CLMN: variants seen among roughly 807,000 people sequenced by gnomAD.
CLMN encodes the protein calmin.
A neutral mutation model predicts 92.7 loss-of-function variants in CLMN; 57 were observed. The observed-to-expected ratio is 0.61, with a 90% CI of 0.50 to 0.77. The LOEUF (loss-of-function observed/expected upper bound fraction) is 0.77. Among genes scored for constraint, CLMN ranks in the 30% least tolerant of loss-of-function variants. The pLI, the probability that CLMN is intolerant of heterozygous loss-of-function variation, is 0.00. For synonymous variants in CLMN, 466 were observed against 470.6 expected (o/e 0.99, Z 0.13); for missense variants, 1,158 against 1,237.5 (o/e 0.94, Z 0.96).
chr14:95,313,410 T>C (rs1189614412), intron 1 of CLMN, among the ~76,000 whole-genome samples: 1 of 152,234 alleles, frequency 6.6e-6, no homozygotes. Context: ...ATAGGCAATA[T>C]GCAAATAAAT....
At chr14:95,230,518 G>C (rs1410901370) in intron 1 of CLMN, among the ~76,000 whole-genome samples, 1 of 152,244 alleles carries the variant, frequency 6.6e-6, no homozygotes, top group East Asian at 1.9e-4. Context: ...TGAGGAGATG[G>C]GAGAGGGCAG....
chr14:95,317,485 C>G (rs1279494580), intron 1 of CLMN, among the ~76,000 whole-genome samples: 2 of 151,870 alleles, frequency 1.3e-5, no homozygotes, highest in Non-Finnish European at 2.9e-5. Flanking sequence ...GGTCCCTCAA[C>G]AGGTGAATGA....
rs1566854063 is a variant in CLMN, at chr14:95,190,530, TGGGGCTGAGGAAGACTG to T, written c.*1017_*1033del. 1 of 152,554 alleles carries T rather than the reference TGGGGCTGAGGAAGACTG, an allele frequency of 6.6e-6. No homozygotes were observed. Among genetic ancestry groups the T allele is most frequent in the African/African-American group, 2.4e-5 (1 of 41,438 alleles). 9.5% of individuals were successfully genotyped at this position (152,554 alleles called of 1,614,324 possible). A position where few individuals can be genotyped will look rare whatever the true frequency, so the allele number is the denominator to read the frequency against. ...CAGGGAGGAGAGAGCAGAGGGAGCC[TGGGGCTGAGGAAGACTG>T]GGGGCAGGGGTGCTAGAGATGCCTC... On this transcript the variant is annotated 3_prime_UTR_variant, in exon 13 of 13. Coordinates refer to ENST00000298912, the MANE Select transcript of CLMN (RefSeq NM_024734.4).
intron 1 of CLMN, among the ~76,000 whole-genome samples, chr14:95,266,840 A>C (rs954417838): frequency 2.6e-5 from 4 of 152,238 alleles, no homozygotes. Context: ...GCATAAAAAA[A>C]GACACAAAGA....
intron 1 of CLMN, among the ~76,000 whole-genome samples, chr14:95,258,189 T>C (rs1566899221): frequency 6.6e-6 from 1 of 151,820 alleles, no homozygotes; most frequent in Non-Finnish European, 1.5e-5. Flanking sequence ...TGTGTATATG[T>C]ATGCATAGTG....
In CLMN at chr14:95,189,625, C is replaced by G. The variant is rs1287068996; in HGVS notation, c.*1939G>C. On this transcript the variant is annotated 3_prime_UTR_variant, in exon 13 of 13. Coordinates refer to ENST00000298912, the MANE Select transcript of CLMN (RefSeq NM_024734.4). Reference sequence around the variant, plus strand: ...TCTAGACCCATAAAATGAAATGATTCACATTTGGGTTGGCTCTTCCCAGGC... The same window carrying G: ...TCTAGACCCATAAAATGAAATGATTGACATTTGGGTTGGCTCTTCCCAGGC... The G allele has an allele frequency of 6.6e-6, 1 of 152,194 alleles. No homozygotes were observed. The highest frequency in any genetic ancestry group is 2.4e-5 in the African/African-American group (1 of 41,460). The allele number at this position is 152,194 out of a possible 1,614,324, so 9.4% of individuals were successfully genotyped here.
intron 1 of CLMN, among the ~76,000 whole-genome samples, chr14:95,254,597 G>A (rs942770915): frequency 6.6e-6 from 1 of 152,160 alleles, no homozygotes; most frequent in Non-Finnish European, 1.5e-5. Flanking sequence ...ATCCTGTGAC[G>A]TGTTATGGGC....
At chr14:95,314,267 T>C (rs1901665869) in intron 1 of CLMN, among the ~76,000 whole-genome samples, 1 of 152,186 alleles carries the variant, frequency 6.6e-6, no homozygotes, top group Admixed American at 6.5e-5. Context: ...AGAATGTACA[T>C]CATTTACCAC....
intron 1 of CLMN, chr14:95,260,440 T>TA (rs375785616): frequency 0.088 from 12,003 of 136,960 alleles, 626 homozygotes; most frequent in African/African-American, 0.16. Context: ...AGACTCTGTC[T>TA]AAAAAAAAAA....
chr14:95,231,926 T>G (rs2035917367), intron 1 of CLMN, among the ~76,000 whole-genome samples: 1 of 152,278 alleles, frequency 6.6e-6, no homozygotes, highest in Non-Finnish European at 1.5e-5. Flanking sequence ...CCATCCTCTG[T>G]GGCAGGTGCT....
At chr14:95,277,691 G>A (rs533765998) in intron 1 of CLMN, among the ~76,000 whole-genome samples, 18 of 152,226 alleles carry the variant, frequency 1.2e-4, no homozygotes, top group Admixed American at 9.8e-4. Flanking sequence ...GCAGTGGCAC[G>A]ATCTTGGCTC....
chr14:95,245,285 T>TATATATATA (rs1898502163), intron 1 of CLMN, among the ~76,000 whole-genome samples: 2 of 72,994 alleles, frequency 2.7e-5, no homozygotes, highest in African/African-American at 7.4e-5. Context: ...TATATATAGT[T>TATATATATA]TTGTTTTGTT....
At chr14:95,235,939 G>C (rs1440696035) in intron 1 of CLMN, among the ~76,000 whole-genome samples, 2 of 152,202 alleles carry the variant, frequency 1.3e-5, no homozygotes, top group Admixed American at 6.5e-5. Context: ...GTGAGCTGCA[G>C]CACAGCATGG....
In CLMN at chr14:95,185,253, T is replaced by G. The variant is rs1007139337; in HGVS notation, c.*6311A>C. ...TTCCATGAGCTGCTGACTGCTGTTT[T>G]CCAAGGAAATGCCTGATGAGAGCAA... On this transcript the variant is annotated 3_prime_UTR_variant, in exon 13 of 13. Transcript: ENST00000298912. The G allele has an allele frequency of 6.6e-6, 1 of 152,248 alleles. No homozygotes were observed. The highest frequency in any genetic ancestry group is 6.5e-5 in the Admixed American group (1 of 15,288). The allele number at this position is 152,248 out of a possible 1,614,324, so 9.4% of individuals were successfully genotyped here.
At chr14:95,268,023 G>C (rs1197372483) in intron 1 of CLMN, among the ~76,000 whole-genome samples, 1 of 152,108 alleles carries the variant, frequency 6.6e-6, no homozygotes, top group Non-Finnish European at 1.5e-5. Context: ...GAAGGAGAGA[G>C]GGGAGAGGGG....
intron 1 of CLMN, among the ~76,000 whole-genome samples, chr14:95,254,791 A>C (rs1198382799): frequency 6.6e-6 from 1 of 152,126 alleles, no homozygotes; most frequent in Admixed American, 6.5e-5. Flanking sequence ...TCAACTTCCC[A>C]GGGCTTAAGT....
rs1326332053 is a variant in CLMN, at chr14:95,221,788, C to G, written c.241-14G>C. ...GTATTCGTGCAGCTATAAAACAGAA[C>G]AGAACAAAACAAGCACATTAAACCC... is the stretch of plus-strand genomic sequence containing the variant. On this transcript the variant is annotated splice_polypyrimidine_tract_variant and intron_variant, in intron 3 of 12. Coordinates refer to ENST00000298912, the MANE Select transcript of CLMN (RefSeq NM_024734.4). 1 of 1,613,026 alleles carries G rather than the reference C, an allele frequency of 6.2e-7. No individual in the cohort carries two copies. Among genetic ancestry groups the G allele is most frequent in the South Asian group, 1.1e-5 (1 of 90,980 alleles).
chr14:95,191,906 G>A lies in CLMN; in HGVS notation c.2841-174C>T, dbSNP rs867230244. ...TGTGTGTACTGGCCCAAGGCAGTGC[G>A]TCGGGCCATCCAGGCAGCCCCTCGA... On this transcript the variant is annotated intron_variant, in intron 12 of 12. Coordinates refer to ENST00000298912, the MANE Select transcript of CLMN (RefSeq NM_024734.4). The surrounding 1 kb of genome is among the most constrained non-coding windows in gnomAD (Gnocchi z 5.3). 1.1e-5 allele frequency: 6 copies of A among 532,660 alleles called. No homozygotes were observed. The highest frequency in any genetic ancestry group is 3.6e-5 in the Admixed American group (1 of 27,788). The allele number at this position is 532,660 out of a possible 1,614,324, so 33.0% of individuals were successfully genotyped here. A position where few individuals can be genotyped will look rare whatever the true frequency, so the allele number is the denominator to read the frequency against.
rs1867071977 is a variant in CLMN at position 95,194,427 on chromosome 14, T to C, written c.2769+109A>G. ...TCTGCTTGTCTTCTATCCAAAAGTA[T>C]AGCTGTTGCATGCCAGTAATTTCAA... On this transcript the variant is annotated intron_variant, in intron 11 of 12. Transcript: ENST00000298912. The surrounding 1 kb of genome is among the most constrained non-coding windows in gnomAD (Gnocchi z 4.0). 4 of 1,582,876 alleles carry C rather than the reference T, an allele frequency of 2.5e-6. No individual in the cohort carries two copies. Among genetic ancestry groups the C allele is most frequent in the Admixed American group, 1.8e-5 (1 of 56,962 alleles).
Sources: gnomAD v4.1 joint callset for allele counts (sites outside exome capture counted in the v4.1 genomes callset) on GRCh38, gnomAD v4.1.1 for gene constraint, Gnocchi (gnomAD v3.1) non-coding constraint, MANE v1.5 for transcripts, NCBI Gene and HGNC (gene_info 2026-07-23, HGNC 2026-07-21) for gene names.